Variants in MYBBP1A observed in about 807,000 individuals in gnomAD.
MYBBP1A encodes the protein MYB binding protein 1a.
MYBBP1A carries 147 observed loss-of-function variants against 136.3 expected under a neutral mutation model. The ratio of observed to expected loss-of-function variants is 1.08; its 90% CI spans 0.94 to 1.24. The LOEUF is 1.24. Among genes scored for constraint, MYBBP1A ranks in the 50% most tolerant of loss-of-function variants. MYBBP1A has a pLI of 0.00. For missense variants in MYBBP1A, 2,060 were observed against 1,727.4 expected (o/e 1.19, Z -3.41); for synonymous variants, 947 against 735.8 (o/e 1.29, Z -4.65).
At chr17:4,541,442 C>T (rs748463524) in intron 24 of MYBBP1A, 21 bp downstream of exon 24, 11 of 1,606,436 alleles carry the variant, frequency 6.8e-6, no homozygotes, top group African/African-American at 5.3e-5. Flanking sequence ...AACACGACCG[C>T]GGACTGGGCC....
chr17:4,540,248 T>C (rs1171291508), intron 25 of MYBBP1A, 100 bp downstream of exon 25: 5 of 1,424,812 alleles, frequency 3.5e-6, no homozygotes, highest in Non-Finnish European at 2.8e-6. Context: ...GTGTGCAGTG[T>C]GCGTGTGCAG....
intron 20 of MYBBP1A, 35 bp downstream of exon 20, chr17:4,542,878 T>TGCCTGGGGCTGC: frequency 6.2e-7 from 1 of 1,609,572 alleles, no homozygotes; most frequent in Non-Finnish European, 8.5e-7. Context: ...GGCTGTGAAA[T>TGCCTGGGGCTGC]GCCTGGGGCT....
At position 4,543,084 on chromosome 17, in the gene MYBBP1A, C is replaced by T. The variant is rs1239496816; in HGVS notation, c.2721G>A (p.Leu907=). ...CGGGCTGGCGGCCAGCCTGCTGCAC[C>T]AACCGCTCCACCTGGGCGTGCAGGG... The part of the protein sequence containing the change: ...AGALHAQVER[L]VQQAGRQPDS... Residue 907 remains leucine (L), a synonymous_variant, in exon 20 of 26, where the codon TTG becomes TTA. Coordinates refer to ENST00000254718, the MANE Select transcript of MYBBP1A (RefSeq NM_014520.4). 6.2e-7 allele frequency: 1 copy of T among 1,613,214 alleles called. No homozygotes were observed. The highest frequency in any genetic ancestry group is 8.5e-7 in the Non-Finnish European group (1 of 1,179,938).
Position 4,552,168 on chromosome 17 carries a change from C to A in MYBBP1A, c.862G>T (p.Val288Leu). 6.2e-7 allele frequency: 1 copy of A among 1,614,240 alleles called. No homozygotes were observed. The highest frequency in any genetic ancestry group is 8.5e-7 in the Non-Finnish European group (1 of 1,180,038). ...ATCTTCAGCAGCCCTTGTTCCACCA[C>A]CTCCTTCCAGAACCGTGGGAACTTG... ...EDKFPRFWKE[V>L]VEQGLLKMQF... Residue 288 changes from valine to leucine, a missense_variant, in exon 7 of 26, where the codon GTG becomes TTG. By Grantham distance (32) the Val-to-Leu change is conservative. Coordinates refer to ENST00000254718, the MANE Select transcript of MYBBP1A (RefSeq NM_014520.4). This position sits in a 1 kb window ranked among gnomAD's most constrained non-coding sequence, Gnocchi z 4.7.
At chr17:4,549,220 T>G in intron 10 of MYBBP1A, 112 bp downstream of exon 10, 25 of 869,408 alleles carry the variant, frequency 2.9e-5, no homozygotes, top group Non-Finnish European at 4.4e-5. Context: ...CCCCCACTGA[T>G]GACTCAACCC....
Position 4,540,432 on chromosome 17 carries a change from T to C in MYBBP1A, c.3350A>G (p.Gln1117Arg), listed in dbSNP as rs757234936. 1 of 1,611,266 alleles carries C rather than the reference T, an allele frequency of 6.2e-7. No homozygotes were observed. Among genetic ancestry groups the C allele is most frequent in the Admixed American group, 1.7e-5 (1 of 59,966 alleles). Reference protein sequence around the residue: ...VLLGVLQGQQQSLQQGAHSTG... With the variant: ...VLLGVLQGQQRSLQQGAHSTG... ...GGAGTGTGCCCCCTGCTGTAGGCTC[T>C]GCTGTTGCCCCTGCAGCACACCCAG... Residue 1117 changes from glutamine to arginine, a missense_variant, in exon 25 of 26, where the codon CAG (glutamine) becomes CGG (arginine). Physicochemically the swap from Gln to Arg is conservative, Grantham distance 43. Coordinates refer to ENST00000254718, the MANE Select transcript of MYBBP1A (RefSeq NM_014520.4).
intron 20 of MYBBP1A, 59 bp downstream of exon 20, chr17:4,542,854 G>A (rs540663551): frequency 2.2e-5 from 36 of 1,605,610 alleles, no homozygotes; most frequent in East Asian, 2.2e-4. Flanking sequence ...GGGAAGTCCC[G>A]GCCTCCACTC....
Position 4,554,283 on chromosome 17 carries a change from CAGG to C in MYBBP1A, c.295-8_295-6del. 1 of 1,613,808 alleles carries C rather than the reference CAGG, an allele frequency of 6.2e-7. No homozygotes were observed. The highest frequency in any genetic ancestry group is 8.5e-7 in the Non-Finnish European group (1 of 1,179,830). On this transcript the variant is annotated splice_polypyrimidine_tract_variant and splice_region_variant and intron_variant, in intron 2 of 25. Transcript: ENST00000254718. ...GTCTTCAAAAGACTGTAACAGCTGC[CAGG>C]AGTTGTGTGGCAGGAGGAAGAGGGT...
Position 4,544,560 on chromosome 17 carries a change from G to T in MYBBP1A, c.2568C>A (p.Ile856=). The change falls in exon 19 of 26, where the codon ATC becomes ATA. Residue 856 remains isoleucine (I), a synonymous_variant. Transcript: ENST00000254718. ...LELLEPLLSI[I]RRSLRSSSSK... is the part of the protein sequence containing the mutation. ...AGCTGCTGCTGCGCAGGCTGCGCCG[G>T]ATGATGCTCAGCAGCGGCTCCAGCA... 6.4e-7 allele frequency: 1 copy of T among 1,567,860 alleles called. No homozygotes were observed. The highest frequency in any genetic ancestry group is 8.6e-7 in the Non-Finnish European group (1 of 1,156,854).
chr17:4,543,892 C>G (rs578166382), intron 19 of MYBBP1A, among the ~76,000 whole-genome samples: 10 of 152,188 alleles, frequency 6.6e-5, no homozygotes, highest in South Asian at 2.1e-4. Flanking sequence ...GACCCTTCCC[C>G]ACGCCACTGC....
rs1283148210 is a variant in MYBBP1A, at chr17:4,555,280, C to T, written c.45G>A (p.Ala15=). Residue 15 remains alanine, a synonymous_variant, in exon 1 of 26, where the codon GCG becomes GCA. Transcript: ENST00000254718. ...CGGCAGGCCGGGCGCCACTCTGCGTCGCTTCTCCAGGCGACATCGGCTGGG... is the reference window on the plus strand; with the variant it reads ...CGGCAGGCCGGGCGCCACTCTGCGTTGCTTCTCCAGGCGACATCGGCTGGG... The part of the protein sequence containing the change: ...DPAQPMSPGE[A]TQSGARPADR... The T allele has an allele frequency of 1.2e-6, 2 of 1,610,546 alleles. No individual in the cohort carries two copies. The highest frequency in any genetic ancestry group is 8.5e-7 in the Non-Finnish European group (1 of 1,179,120).
intron 5 of MYBBP1A, among the ~76,000 whole-genome samples, chr17:4,553,102 G>A (rs972161268): frequency 5.9e-5 from 9 of 152,198 alleles, no homozygotes; most frequent in Non-Finnish European, 1.3e-4. Flanking sequence ...GATTACAGGC[G>A]TGAGCCACCA....
In MYBBP1A at chr17:4,545,356, G is replaced by A. The variant is rs200122940; in HGVS notation, c.2074-11C>T. 73 of 1,612,646 alleles carry A rather than the reference G, an allele frequency of 4.5e-5. No individual in the cohort carries two copies. Among genetic ancestry groups the A allele is most frequent in the Non-Finnish European group, 5.0e-5 (59 of 1,179,854 alleles). On this transcript the variant is annotated splice_polypyrimidine_tract_variant and intron_variant, in intron 15 of 25. Coordinates refer to ENST00000254718, the MANE Select transcript of MYBBP1A (RefSeq NM_014520.4). ...CTCGGGGTTCAGCACCTGGGGAGGG[G>A]TGCCAGCCACTGACCCATTTGCAGC...
chr17:4,553,283 G>A (rs970769024), intron 5 of MYBBP1A, among the ~76,000 whole-genome samples: 2 of 152,178 alleles, frequency 1.3e-5, no homozygotes, highest in Non-Finnish European at 2.9e-5. Flanking sequence ...TGCTACCCCT[G>A]CCTTTCTCTT....
At position 4,542,680 on chromosome 17, in the gene MYBBP1A, AAGG is replaced by A. The variant is rs755506254; in HGVS notation, c.2951_2953del (p.Ser984del). ...GAGGGGGCTGTTGCGCTTGGTCAGG[AAGG>A]AGCTCAGTGCTGTCGAGTACACCCG... On this transcript the variant is annotated inframe_deletion, in exon 21 of 26. Transcript: ENST00000254718. 5 of 1,613,904 alleles carry A rather than the reference AAGG, an allele frequency of 3.1e-6. No individual in the cohort carries two copies. The Admixed American group carries it at 8.3e-5, about 27-fold the overall frequency.
At chr17:4,551,805 C>CT in intron 8 of MYBBP1A, 75 bp downstream of exon 8, 1 of 1,366,004 alleles carries the variant, frequency 7.3e-7, no homozygotes, top group South Asian at 1.2e-5. Flanking sequence ...CCGAGGTGCC[C>CT]TGCTCCCCTT....
intron 13 of MYBBP1A, 110 bp downstream of exon 13, chr17:4,547,848 C>T: frequency 2.0e-6 from 2 of 985,986 alleles, no homozygotes; most frequent in Non-Finnish European, 2.9e-6. Flanking sequence ...AACTTAACTC[C>T]CCCAGAACCT....
Position 4,539,810 on chromosome 17 carries a change from C to A in MYBBP1A, c.3592G>T (p.Ala1198Ser). ...GGGGGCTGGCTCCCGCCGGTGGCTGCAGGTGTGCCATCCTCCGCTGGCGTG... is the reference window on the plus strand; with the variant it reads ...GGGGGCTGGCTCCCGCCGGTGGCTGAAGGTGTGCCATCCTCCGCTGGCGTG... The part of the protein sequence containing the change: ...DGTPAEDGTP[A>S]ATGGSQPPSM... Residue 1198 changes from alanine to serine, a missense_variant, in exon 26 of 26, where the codon GCA becomes TCA. Coordinates refer to ENST00000254718, the MANE Select transcript of MYBBP1A (RefSeq NM_014520.4). 6.2e-7 allele frequency: 1 copy of A among 1,611,820 alleles called. No individual in the cohort carries two copies. The highest frequency in any genetic ancestry group is 8.5e-7 in the Non-Finnish European group (1 of 1,180,000).
chr17:4,541,655 C>G, intron 23 of MYBBP1A, 91 bp from the exon 24 acceptor site: 10 of 1,473,690 alleles, frequency 6.8e-6, no homozygotes, highest in Non-Finnish European at 9.4e-6. Context: ...AGGCAGGGAC[C>G]GTCTCCTGGG....
Sources: allele counts gnomAD v4.1 joint callset (sites outside exome capture counted in the v4.1 genomes callset), GRCh38; gene constraint gnomAD v4.1.1; non-coding constraint Gnocchi (gnomAD v3.1); transcripts MANE v1.5; gene names NCBI Gene and HGNC (gene_info 2026-07-23, HGNC 2026-07-21).